The following PRDM1 variants were observed in gnomAD, a reference collection of about 807,000 sequenced individuals.
PRDM1 encodes the protein PR domain zinc finger protein 1.
PRDM1 carries 13 observed loss-of-function variants against 62.8 expected under a neutral mutation model. The observed-to-expected ratio is 0.21, with a 90% CI of 0.13 to 0.33. The LOEUF (loss-of-function observed/expected upper bound fraction) is 0.33. PRDM1 is among the 10% of genes least tolerant of loss of function. The probability of loss-of-function intolerance (pLI) is 1.00; values close to 1 mark genes in which losing one functional copy is unlikely to be tolerated. For synonymous variants in PRDM1, 396 were observed against 417.6 expected, an observed-to-expected ratio of 0.95 and a Z score of 0.63; for missense variants, 895 against 1,058.8, an observed-to-expected ratio of 0.85 and a Z score of 2.15.
At chr6:106,034,635 C>CTCTCTTTT (rs745833853) in intron 1 of PRDM1, among the ~76,000 whole-genome samples, 9 of 88,412 alleles carry the variant, frequency 1.0e-4, no homozygotes, top group Admixed American at 1.6e-4. Flanking sequence ...TGTTCTCTCT[C>CTCTCTTTT]TTTTTTTTTT....
At chr6:106,065,300 A>G (rs565746016) in intron 1 of PRDM1, among the ~76,000 whole-genome samples, 2 of 151,952 alleles carry the variant, frequency 1.3e-5, no homozygotes, top group Non-Finnish European at 2.9e-5. Flanking sequence ...ACAATCTTAT[A>G]TATTATTTAT....
At chr6:106,075,360 G>A (rs1385018576) in intron 1 of PRDM1, among the ~76,000 whole-genome samples, 1 of 152,104 alleles carries the variant, frequency 6.6e-6, no homozygotes, top group Non-Finnish European at 1.5e-5. Flanking sequence ...CATGGTTTTA[G>A]TTCTGATTCT....
At chr6:106,055,605 G>A (rs564427125) in intron 1 of PRDM1, among the ~76,000 whole-genome samples, 9 of 152,338 alleles carry the variant, frequency 5.9e-5, no homozygotes, top group East Asian at 5.8e-4. Flanking sequence ...GGGACCTTGT[G>A]TCTCCCTAAC....
chr6:106,019,253 CAAAAAAAAAAAAAAAAAAAA>C (rs55704256), intron 1 of PRDM1, among the ~76,000 whole-genome samples: 1 of 69,654 alleles, frequency 1.4e-5, no homozygotes. Flanking sequence ...GACTCCATCT[CAAAAAAAAAAAAAAAAAAAA>C]AAAAAAAAAA....
In PRDM1 at chr6:106,105,366, C is replaced by A. The variant is rs1160687272; in HGVS notation, c.1206C>A (p.Phe402Leu). 4.3e-6 allele frequency: 7 copies of A among 1,613,876 alleles called. No homozygotes were observed. Among genetic ancestry groups the A allele is most frequent in the Non-Finnish European group, 5.1e-6 (6 of 1,179,924 alleles). Reference protein sequence around the residue: ...YAPLPHLPPAFIPSYNAHYPK... With the variant: ...YAPLPHLPPALIPSYNAHYPK... ...CCCTGCCCCACCTCCCGCCAGCTTTCATCCCCTCGTACAACGCTCACTACC... is the reference window on the plus strand; with the variant it reads ...CCCTGCCCCACCTCCCGCCAGCTTTAATCCCCTCGTACAACGCTCACTACC... The change falls in exon 5 of 7, where the codon TTC becomes TTA. Residue 402 changes from phenylalanine (F) to leucine (L), a missense_variant. Coordinates refer to ENST00000369096, the MANE Select transcript of PRDM1 (RefSeq NM_001198.4).
At chr6:106,026,117 A>C (rs1285919993) in intron 1 of PRDM1, among the ~76,000 whole-genome samples, 11 of 152,314 alleles carry the variant, frequency 7.2e-5, no homozygotes, top group Non-Finnish European at 1.3e-4. Context: ...GAAAAGGTTT[A>C]AGGTTTTCTT....
chr6:106,063,340 T>G (rs1409437168), intron 1 of PRDM1, among the ~76,000 whole-genome samples: 1 of 152,116 alleles, frequency 6.6e-6, no homozygotes, highest in Non-Finnish European at 1.5e-5. Flanking sequence ...TGGTCTTAAT[T>G]GTATCCTGCC....
chr6:106,088,136 C>A (rs1286903967), intron 1 of PRDM1, 65 bp from the exon 2 acceptor site: 2 of 1,528,056 alleles, frequency 1.3e-6, no homozygotes, highest in Non-Finnish European at 1.8e-6. Context: ...TAGTCATAGC[C>A]TCTCAGAAGG....
chr6:106,023,706 G>A (rs982538818), intron 1 of PRDM1, among the ~76,000 whole-genome samples: 3 of 152,130 alleles, frequency 2.0e-5, no homozygotes, highest in Non-Finnish European at 2.9e-5. Flanking sequence ...GATACTGTTC[G>A]CATGCAATTG....
intron 1 of PRDM1, among the ~76,000 whole-genome samples, chr6:106,065,282 G>A (rs1362057998): frequency 3.3e-5 from 5 of 152,020 alleles, no homozygotes; most frequent in Non-Finnish European, 7.4e-5. Context: ...ACAGACATGT[G>A]CCACCACACA....
chr6:106,002,167 G>GT (rs1347323982), intron 1 of PRDM1, among the ~76,000 whole-genome samples: 1 of 152,108 alleles, frequency 6.6e-6, no homozygotes, highest in Non-Finnish European at 1.5e-5. Flanking sequence ...AGATGTAGAG[G>GT]TAAGGCCAGG....
In PRDM1 at chr6:106,069,883, A is replaced by G. The variant is rs1188440433; in HGVS notation, c.-66-18318A>G. ...TGTGTGCATTTTTCACCTTAAAAAAAGGTCTCTACATTATTTGTGGCCTGT... is the reference window on the plus strand; with the variant it reads ...TGTGTGCATTTTTCACCTTAAAAAAGGGTCTCTACATTATTTGTGGCCTGT... On this transcript the variant is annotated intron_variant, in intron 1 of 6. Coordinates refer to the PRDM1 transcript ENST00000651185. Among the ~76,000 whole-genome samples the G allele has an allele frequency of 2.0e-5, 3 of 152,220 alleles. 1 individual carries two copies. Among genetic ancestry groups the G allele is most frequent in the Non-Finnish European group, 4.4e-5 (3 of 68,038 alleles).
intron 1 of PRDM1, among the ~76,000 whole-genome samples, chr6:106,073,176 G>A (rs1219247149): frequency 6.7e-5 from 10 of 149,628 alleles, no homozygotes; most frequent in African/African-American, 2.5e-4. Context: ...GTGCAATGGC[G>A]CAATCTCGGC....
intron 1 of PRDM1, among the ~76,000 whole-genome samples, chr6:106,068,499 T>C (rs1773467158): frequency 6.6e-6 from 1 of 152,158 alleles, no homozygotes; most frequent in Admixed American, 6.5e-5. Flanking sequence ...TTCACATAAG[T>C]TATAGTATCT....
intron 1 of PRDM1, among the ~76,000 whole-genome samples, chr6:105,996,216 TA>T (rs1164399088): frequency 6.6e-6 from 1 of 152,200 alleles, no homozygotes; most frequent in East Asian, 1.9e-4. Context: ...CAAATATGTA[TA>T]ATTTAATCTG....
In PRDM1 at chr6:106,105,629, C is replaced by G. The variant is rs1254983604; in HGVS notation, c.1469C>G (p.Pro490Arg). 1 of 1,613,300 alleles carries G rather than the reference C, an allele frequency of 6.2e-7. No individual in the cohort carries two copies. Among genetic ancestry groups the G allele is most frequent in the Non-Finnish European group, 8.5e-7 (1 of 1,179,444 alleles). ...GAGCATCCCAGGGAGGTGCTTGTCC[C>G]GGCGCCCCACAGTGCCTTCTCCTTT... ...QPEHPREVLV[P>R]APHSAFSFTG... is the part of the protein sequence containing the mutation. The change falls in exon 5 of 7, where the codon CCG becomes CGG. Residue 490 changes from proline to arginine, a missense_variant. Around this residue, in one of 4 missense-constraint regions of PRDM1, gnomAD observed 444 missense variants for 422.7 expected, o/e 1.05. Coordinates refer to ENST00000369096, the MANE Select transcript of PRDM1 (RefSeq NM_001198.4).
upstream of PRDM1, among the ~76,000 whole-genome samples, chr6:106,047,013 A>C (rs977679702): frequency 1.1e-4 from 16 of 152,222 alleles, no homozygotes; most frequent in African/African-American, 3.4e-4. Context: ...TAGAAGTTTA[A>C]AAAGCAAGAC....
intron 1 of PRDM1, among the ~76,000 whole-genome samples, chr6:106,039,052 T>G (rs1772958252): frequency 6.6e-6 from 1 of 152,236 alleles, no homozygotes; most frequent in South Asian, 2.1e-4. Flanking sequence ...CTAGAGAATA[T>G]CAAATGAGAC....
Position 106,021,646 on chromosome 6 carries a change from G to T in PRDM1, c.-67+28007G>T, listed in dbSNP as rs140184951. On this transcript the variant is annotated intron_variant, in intron 1 of 6. Transcript: ENST00000652320. ...TTATTTATTTATTTATTGAGACAGA[G>T]TTTCACTCTTGTTGCCCAGGCTGGC... is the stretch of plus-strand genomic sequence containing the variant. Among the ~76,000 whole-genome samples, 188 of 152,354 alleles carry T rather than the reference G, an allele frequency of 1.2e-3. 1 individual carries two copies. The highest frequency in any genetic ancestry group is 4.5e-3 in the African/African-American group (186 of 41,588).
Sources: gnomAD v4.1 joint callset for allele counts (sites outside exome capture counted in the v4.1 genomes callset) on GRCh38, gnomAD v4.1.1 for gene constraint, gnomAD v4.1.1 regional missense constraint, MANE v1.5 for transcripts, NCBI Gene and HGNC (gene_info 2026-07-23, HGNC 2026-07-21) for gene names.